ADGRL4: variants seen among roughly 807,000 people sequenced by gnomAD.
ADGRL4 encodes EGF, latrophilin and seven transmembrane domain containing 1.
A neutral mutation model predicts 74.8 loss-of-function variants in ADGRL4; 90 were observed. The ratio of observed to expected loss-of-function variants is 1.20; its 90% CI spans 1.02 to 1.43. The LOEUF is 1.43. Ranked by LOEUF, ADGRL4 falls within the 40% of genes most tolerant of loss-of-function variation. ADGRL4 has a pLI of 0.00. For synonymous variants in ADGRL4, 311 were observed against 279.2 expected (o/e 1.11, Z -1.14); for missense variants, 881 against 814.3 (o/e 1.08, Z -1.00).
At chr1:78,918,233 G>A (rs754689026) in intron 10 of ADGRL4, among the ~76,000 whole-genome samples, 183 bp from the exon 11 acceptor site, 11 of 151,888 alleles carry the variant, frequency 7.2e-5, no homozygotes, top group East Asian at 1.9e-4. Context: ...AAACAACTGC[G>A]TTTCATCAGC....
intron 12 of ADGRL4, among the ~76,000 whole-genome samples, chr1:78,903,347 A>C (rs2100656715): frequency 6.6e-6 from 1 of 152,296 alleles, no homozygotes; most frequent in South Asian, 2.1e-4. Flanking sequence ...ACTAAGGAAA[A>C]TACAAACAAG....
At chr1:78,904,034 A>G (rs1023368456) in intron 12 of ADGRL4, among the ~76,000 whole-genome samples, 6 of 151,614 alleles carry the variant, frequency 4.0e-5, no homozygotes, top group Non-Finnish European at 5.9e-5. Flanking sequence ...GATAAAATTA[A>G]CTAAAATAAT....
At chr1:78,968,535 T>C (rs1650104156) in intron 2 of ADGRL4, among the ~76,000 whole-genome samples, 1 of 148,944 alleles carries the variant, frequency 6.7e-6, no homozygotes. Flanking sequence ...GGGTCGGCAA[T>C]CAGTTCAATT....
chr1:78,926,941 T>C lies in ADGRL4; in HGVS notation c.1028A>G (p.Asn343Ser). Reference protein sequence around the residue: ...SSVISVSMSSNPPTLYELEKI... With the variant: ...SSVISVSMSSSPPTLYELEKI... ...TTCAAGTTCATATAATGTGGGTGGG[T>C]TTGAGCTCATTGAGACTGAAATTAC... is the stretch of plus-strand genomic sequence containing the variant. Residue 343 changes from asparagine to serine, a missense_variant, in exon 8 of 15, where the codon AAC (asparagine) becomes AGC (serine). Physicochemically the swap from Asn to Ser is conservative, Grantham distance 46. Coordinates refer to ENST00000370742, the MANE Select transcript of ADGRL4 (RefSeq NM_022159.4). 3 of 1,612,290 alleles carry C rather than the reference T, an allele frequency of 1.9e-6. No homozygotes were observed. Among genetic ancestry groups the C allele is most frequent in the Admixed American group, 1.7e-5 (1 of 59,838 alleles).
At chr1:78,900,809 C>T (rs4511063) in intron 12 of ADGRL4, among the ~76,000 whole-genome samples, 27,785 of 151,916 alleles carry the variant, frequency 0.18, 2,674 homozygotes, top group Admixed American at 0.26. Flanking sequence ...ATAAATTACC[C>T]GGTCTCAGGC....
intron 2 of ADGRL4, among the ~76,000 whole-genome samples, chr1:78,987,240 G>A (rs17102585): frequency 0.016 from 2,410 of 151,808 alleles, 62 homozygotes; most frequent in African/African-American, 0.056. Context: ...TTTATTGAAT[G>A]ACTCAGCAAT....
intron 1 of ADGRL4, among the ~76,000 whole-genome samples, chr1:79,005,560 A>G (rs1017988937): frequency 7.2e-5 from 11 of 152,322 alleles, no homozygotes; most frequent in African/African-American, 2.2e-4. Context: ...GAGGTGAGAT[A>G]CTTTGAAAGG....
At chr1:78,990,821 A>T (rs535018997) in intron 2 of ADGRL4, among the ~76,000 whole-genome samples, 6 of 152,074 alleles carry the variant, frequency 3.9e-5, no homozygotes, top group African/African-American at 1.4e-4. Context: ...AATATTCTCA[A>T]TAGGTTTCTG....
rs766223766 is a variant in ADGRL4, at chr1:78,936,360, T to A, written c.812A>T (p.His271Leu). 1.3e-6 allele frequency: 2 copies of A among 1,587,356 alleles called. No individual in the cohort carries two copies. Among genetic ancestry groups the A allele is most frequent in the East Asian group, 4.6e-5 (2 of 43,528 alleles). ...TATGTAGTCTCCATCCATATTCATA[T>A]GAGGATGAATATGTTTCATGTTATA... is the stretch of plus-strand genomic sequence containing the variant. The part of the protein sequence containing the change: ...DSYNMKHIHP[H>L]MNMDGDYINI... The change falls in exon 7 of 15, where the codon CAT becomes CTT. Residue 271 changes from histidine (H) to leucine (L), a missense_variant. By Grantham distance (99) the His-to-Leu change is moderately conservative. Coordinates refer to ENST00000370742, the MANE Select transcript of ADGRL4 (RefSeq NM_022159.4).
chr1:78,928,662 G>C (rs1213004325), intron 7 of ADGRL4, among the ~76,000 whole-genome samples: 1 of 151,408 alleles, frequency 6.6e-6, no homozygotes, highest in Non-Finnish European at 1.5e-5. Flanking sequence ...ATATATCTGA[G>C]CATTTACACA....
At chr1:78,997,608 G>A (rs1208260015) in intron 2 of ADGRL4, among the ~76,000 whole-genome samples, 3 of 152,138 alleles carry the variant, frequency 2.0e-5, no homozygotes, top group African/African-American at 7.2e-5. Context: ...AAATTTTCCA[G>A]AATGTCTTTG....
intron 2 of ADGRL4, among the ~76,000 whole-genome samples, chr1:78,986,153 A>T (rs978901459): frequency 6.6e-6 from 1 of 151,808 alleles, no homozygotes; most frequent in Non-Finnish European, 1.5e-5. Flanking sequence ...AAACCTGCAC[A>T]TGAATCCTTG....
intron 2 of ADGRL4, among the ~76,000 whole-genome samples, chr1:78,965,727 T>C (rs910482702): frequency 1.3e-5 from 2 of 152,166 alleles, no homozygotes; most frequent in Admixed American, 6.5e-5. Context: ...AACTCTGTCA[T>C]TTAAATATTA....
At chr1:78,946,165 G>A (rs775866941) in intron 3 of ADGRL4, 109 bp downstream of exon 3, 45 of 686,458 alleles carry the variant, frequency 6.6e-5, no homozygotes, top group Non-Finnish European at 8.1e-5. Flanking sequence ...TACTTAACAC[G>A]TAGGGTACGA....
chr1:78,967,942 T>C (rs1442869049), intron 2 of ADGRL4, among the ~76,000 whole-genome samples: 1 of 151,366 alleles, frequency 6.6e-6, no homozygotes, highest in Non-Finnish European at 1.5e-5. Context: ...GGCTCCAAAA[T>C]TGTCTTTCTT....
chr1:78,894,012 A>T (rs1648343728), intron 12 of ADGRL4, among the ~76,000 whole-genome samples: 2 of 151,840 alleles, frequency 1.3e-5, no homozygotes, highest in African/African-American at 4.8e-5. Context: ...CCAATAATTT[A>T]AAATATTAAA....
chr1:78,992,717 T>C (rs1440344169), intron 2 of ADGRL4, among the ~76,000 whole-genome samples: 1 of 152,154 alleles, frequency 6.6e-6, no homozygotes, highest in Non-Finnish European at 1.5e-5. Flanking sequence ...TGTTTTAATA[T>C]GCAGAAAAAT....
intron 3 of ADGRL4, among the ~76,000 whole-genome samples, chr1:78,941,546 T>G (rs1649481578): frequency 6.6e-6 from 1 of 150,766 alleles, no homozygotes; most frequent in African/African-American, 2.4e-5. Context: ...GTTTTTTCTC[T>G]CAATTTCAAT....
chr1:78,910,636 C>A (rs1648743904), intron 12 of ADGRL4, among the ~76,000 whole-genome samples: 1 of 151,674 alleles, frequency 6.6e-6, no homozygotes. Flanking sequence ...AATCTAATCA[C>A]TTACATAGTT....
Sources: gnomAD v4.1 joint callset for allele counts (sites outside exome capture counted in the v4.1 genomes callset) on GRCh38, gnomAD v4.1.1 for gene constraint, MANE v1.5 for transcripts, NCBI Gene and HGNC (gene_info 2026-07-23, HGNC 2026-07-21) for gene names.